KLHL2: variants seen among roughly 807,000 people sequenced by gnomAD.
The protein encoded by KLHL2 is kelch-like protein 2.
A neutral mutation model predicts 75.8 loss-of-function variants in KLHL2; 15 were observed. That is an observed-to-expected ratio of 0.20 (90% CI 0.13 to 0.30). The LOEUF (loss-of-function observed/expected upper bound fraction) is 0.30. Among genes scored for constraint, KLHL2 ranks in the 10% least tolerant of loss-of-function variants. KLHL2 has a pLI of 1.00. For synonymous variants in KLHL2, 214 were observed against 251.9 expected (o/e 0.85, Z 1.42); for missense variants, 381 against 741.0 (o/e 0.51, Z 5.64).
intron 2 of KLHL2, among the ~76,000 whole-genome samples, chr4:165,222,472 A>G (rs1188058345): frequency 3.9e-5 from 6 of 152,094 alleles, no homozygotes; most frequent in Non-Finnish European, 5.9e-5. Context: ...CTGGTATGTC[A>G]CTGGGCTGGT....
At chr4:165,257,145 C>G (rs1472042472) in intron 4 of KLHL2, among the ~76,000 whole-genome samples, 1 of 152,128 alleles carries the variant, frequency 6.6e-6, no homozygotes, top group South Asian at 2.1e-4. Context: ...AATATAACAG[C>G]TTGGGGTCCT....
intron 1 of KLHL2, among the ~76,000 whole-genome samples, chr4:165,213,514 G>A (rs1299478507): frequency 6.6e-6 from 1 of 152,184 alleles, no homozygotes; most frequent in Non-Finnish European, 1.5e-5. Flanking sequence ...CCCCATTGGA[G>A]CCCCATCTCC....
At chr4:165,214,391 A>G (rs1213474278) in intron 1 of KLHL2, among the ~76,000 whole-genome samples, 2 of 152,200 alleles carry the variant, frequency 1.3e-5, no homozygotes, top group South Asian at 2.1e-4. Flanking sequence ...TTGATCTTGC[A>G]TAAGACATGC....
rs908900170 is a variant in KLHL2, at chr4:165,320,335, A to G, written c.1754-1697A>G. 2.6e-5 allele frequency among the ~76,000 whole-genome samples: 4 copies of G among 152,212 alleles called. No individual in the cohort carries two copies. In the South Asian group the frequency reaches 6.2e-4, roughly 24 times the overall value. On this transcript the variant is annotated intron_variant, in intron 14 of 14. Coordinates refer to ENST00000226725, the MANE Select transcript of KLHL2 (RefSeq NM_007246.4). ...ATAAATACCAGCTGCCAGTCTTTTGACTGTATAACAAGAAGGCCTAGACAA... is the reference window on the plus strand; with the variant it reads ...ATAAATACCAGCTGCCAGTCTTTTGGCTGTATAACAAGAAGGCCTAGACAA...
At chr4:165,243,601 A>G (rs1739994445) in intron 4 of KLHL2, among the ~76,000 whole-genome samples, 1 of 152,286 alleles carries the variant, frequency 6.6e-6, no homozygotes, top group Admixed American at 6.5e-5. Flanking sequence ...AGGGACATCT[A>G]AAATCAATTA....
At chr4:165,227,768 GT>G (rs1285285352) in intron 2 of KLHL2, among the ~76,000 whole-genome samples, 1 of 152,172 alleles carries the variant, frequency 6.6e-6, no homozygotes, top group Non-Finnish European at 1.5e-5. Flanking sequence ...TACCTGGAGA[GT>G]ATGATCTGGC....
chr4:165,281,624 T>G (rs1432237443), intron 5 of KLHL2, among the ~76,000 whole-genome samples: 1 of 152,206 alleles, frequency 6.6e-6, no homozygotes, highest in Non-Finnish European at 1.5e-5. Flanking sequence ...CCTGATGCTC[T>G]CTCTTGACCT....
chr4:165,226,142 T>G (rs1459637045), intron 2 of KLHL2, among the ~76,000 whole-genome samples: 2 of 152,238 alleles, frequency 1.3e-5, no homozygotes, highest in African/African-American at 4.8e-5. Context: ...AAAGATGCAC[T>G]TGACTCATGT....
At chr4:165,245,687 G>A (rs983294038) in intron 4 of KLHL2, among the ~76,000 whole-genome samples, 1 of 152,112 alleles carries the variant, frequency 6.6e-6, no homozygotes, top group Non-Finnish European at 1.5e-5. Context: ...AATAAGCTTT[G>A]TGGTATTGGT....
rs528885997 is a variant in KLHL2, at chr4:165,209,910, C to T, written c.26+2008C>T. Reference sequence around the variant, plus strand: ...AGAAATAGTTTTTTTCCTTGCCACCCCTTGGCCTGTTTGCCTCCACTCCCA... The same window carrying T: ...AGAAATAGTTTTTTTCCTTGCCACCTCTTGGCCTGTTTGCCTCCACTCCCA... On this transcript the variant is annotated intron_variant, in intron 1 of 14. Coordinates refer to ENST00000226725, the MANE Select transcript of KLHL2 (RefSeq NM_007246.4). 7.0e-4 allele frequency: 633 copies of T among 903,910 alleles called. 4 individuals are homozygous for T. In the African/African-American group the frequency reaches 8.7e-3, roughly 12 times the overall value. The allele number at this position is 903,910 out of a possible 1,614,324, so 56.0% of individuals were successfully genotyped here. A position where few individuals can be genotyped will look rare whatever the true frequency, so the allele number is the denominator to read the frequency against.
intron 5 of KLHL2, among the ~76,000 whole-genome samples, chr4:165,268,231 C>A (rs1245733866): frequency 1.3e-4 from 20 of 152,062 alleles, no homozygotes; most frequent in Non-Finnish European, 2.8e-4. Context: ...TGCTAGCAGT[C>A]TATCAATTTT....
intron 2 of KLHL2, chr4:165,224,080 A>G (rs1353078308): frequency 4.2e-6 from 1 of 236,974 alleles, no homozygotes; most frequent in Admixed American, 5.5e-5. Flanking sequence ...ACACCCAGCT[A>G]ATTTTTTATA....
chr4:165,251,143 T>A (rs1006207187), intron 4 of KLHL2, among the ~76,000 whole-genome samples: 3 of 150,388 alleles, frequency 2.0e-5, no homozygotes, highest in Non-Finnish European at 3.0e-5. Flanking sequence ...AAAAAAAAAA[T>A]ACATAAATTC....
At chr4:165,240,858 T>C (rs1739766134) in intron 4 of KLHL2, among the ~76,000 whole-genome samples, 1 of 152,224 alleles carries the variant, frequency 6.6e-6, no homozygotes, top group Non-Finnish European at 1.5e-5. Flanking sequence ...AATTCAGCCC[T>C]GAATGTTGTT....
At chr4:165,264,721 C>T (rs55920694) in intron 5 of KLHL2, among the ~76,000 whole-genome samples, 1,020 of 70,626 alleles carry the variant, frequency 0.014, 8 homozygotes, top group South Asian at 0.022. Context: ...TATATATATA[C>T]ATATATATAT....
At chr4:165,312,916 TTCTG>T (rs1263600409) in intron 11 of KLHL2, among the ~76,000 whole-genome samples, 2 of 152,346 alleles carry the variant, frequency 1.3e-5, no homozygotes, top group African/African-American at 2.4e-5. Flanking sequence ...TGGTATTTAA[TTCTG>T]TCTTACAGGA....
intron 1 of KLHL2, among the ~76,000 whole-genome samples, chr4:165,213,844 A>T (rs1362582298): frequency 6.6e-6 from 1 of 152,190 alleles, no homozygotes; most frequent in East Asian, 1.9e-4. Context: ...CCATAAAAAT[A>T]TATCTGCATA....
intron 5 of KLHL2, among the ~76,000 whole-genome samples, chr4:165,280,184 C>A (rs556476832): frequency 2.4e-4 from 36 of 152,342 alleles, no homozygotes; most frequent in South Asian, 4.1e-4. Context: ...CAAAGCTATC[C>A]TCTTTATGTG....
chr4:165,312,425 T>G (rs955921274), intron 11 of KLHL2, among the ~76,000 whole-genome samples: 2 of 105,998 alleles, frequency 1.9e-5, no homozygotes, highest in African/African-American at 7.5e-5. Flanking sequence ...ATTATTATTA[T>G]TATTTTTTTT....
Sources: allele counts gnomAD v4.1 joint callset (sites outside exome capture counted in the v4.1 genomes callset), GRCh38; gene constraint gnomAD v4.1.1; transcripts MANE v1.5; gene names NCBI Gene and HGNC (gene_info 2026-07-23, HGNC 2026-07-21).